Variants in DCBLD2 observed in about 807,000 individuals in gnomAD.
DCBLD2 encodes discoidin, CUB and LCCL domain-containing protein 2.
In DCBLD2, 54 loss-of-function variants were observed where a neutral mutation model predicts 86.8. That is an observed-to-expected ratio of 0.62 (90% confidence interval 0.50 to 0.78). DCBLD2 has a LOEUF of 0.78. Ranked by LOEUF, DCBLD2 falls within the 30% of genes least tolerant of loss-of-function variation. The pLI is 0.00. For synonymous variants in DCBLD2, 354 were observed against 341.3 expected, an observed-to-expected ratio of 1.04 and a Z score of -0.41; for missense variants, 908 against 954.2, an observed-to-expected ratio of 0.95 and a Z score of 0.64.
intron 1 of DCBLD2, among the ~76,000 whole-genome samples, chr3:98,900,011 A>C (rs1943819815): frequency 6.6e-6 from 1 of 152,206 alleles, no homozygotes; most frequent in Non-Finnish European, 1.5e-5. Flanking sequence ...CTAAATGCTA[A>C]GCATCTAAAT....
At chr3:98,859,442 G>C (rs1365030180) in intron 2 of DCBLD2, among the ~76,000 whole-genome samples, 1 of 152,212 alleles carries the variant, frequency 6.6e-6, no homozygotes, top group African/African-American at 2.4e-5. Flanking sequence ...GTGGGTCCCT[G>C]ACCCCCAAGT....
rs567126845 is a variant in DCBLD2, at chr3:98,896,596, T to C, written c.205+4526A>G. On this transcript the variant is annotated intron_variant, in intron 1 of 15. Coordinates refer to ENST00000326840, the MANE Select transcript of DCBLD2 (RefSeq NM_080927.4). ...ATTATGCAGGTATGTGAATATGTAATAGAAAGGAAAGTTAAAAATTATAAG... is the reference window on the plus strand; with the variant it reads ...ATTATGCAGGTATGTGAATATGTAACAGAAAGGAAAGTTAAAAATTATAAG... Among the ~76,000 whole-genome samples, 52 of 152,288 alleles carry C rather than the reference T, an allele frequency of 3.4e-4. No homozygotes were observed. In the South Asian group the frequency reaches 9.9e-3, roughly 29 times the overall value.
chr3:98,808,140 C>G lies in DCBLD2; in HGVS notation c.1611G>C (p.Leu537=), dbSNP rs202236000. Residue 537 remains leucine, a synonymous_variant, in exon 13 of 16, where the codon CTG becomes CTC. Coordinates refer to ENST00000326840, the MANE Select transcript of DCBLD2 (RefSeq NM_080927.4). ...GAATGAGAGTAGTGAGGACCATGAC[C>G]AGCACAGGGACAAGAACTGCAGCCA... ...VALAAVLVPV[L]VMVLTTLILI... 1 of 1,606,440 alleles carries G rather than the reference C, an allele frequency of 6.2e-7. No homozygotes were observed. The highest frequency in any genetic ancestry group is 1.3e-5 in the African/African-American group (1 of 74,582).
intron 3 of DCBLD2, among the ~76,000 whole-genome samples, chr3:98,833,645 G>A (rs894043576): frequency 7.2e-5 from 11 of 152,204 alleles, no homozygotes; most frequent in African/African-American, 2.7e-4. Flanking sequence ...CCCAGGTCAG[G>A]CAGCCCTGTC....
intron 2 of DCBLD2, among the ~76,000 whole-genome samples, chr3:98,870,745 G>GAAAGAA: frequency 1.3e-5 from 1 of 79,656 alleles, no homozygotes; most frequent in Admixed American, 1.2e-4. Flanking sequence ...GAAAAAGAAA[G>GAAAGAA]AAAGAAAGAA....
intron 13 of DCBLD2, among the ~76,000 whole-genome samples, chr3:98,803,178 G>A (rs1197983712): frequency 6.6e-6 from 1 of 152,172 alleles, no homozygotes; most frequent in Non-Finnish European, 1.5e-5. Context: ...TCCTATCCAT[G>A]AGCATGGAAT....
intron 3 of DCBLD2, among the ~76,000 whole-genome samples, chr3:98,843,402 A>G (rs1942655879): frequency 6.6e-6 from 1 of 152,352 alleles, no homozygotes; most frequent in African/African-American, 2.4e-5. Flanking sequence ...GTAGTACTGG[A>G]AACAAAACAG....
At chr3:98,852,533 C>T (rs940991681) in intron 2 of DCBLD2, among the ~76,000 whole-genome samples, 3 of 152,212 alleles carry the variant, frequency 2.0e-5, no homozygotes, top group Non-Finnish European at 4.4e-5. Context: ...AGGCGTGAGC[C>T]ACCGCACCCA....
intron 9 of DCBLD2, chr3:98,814,331 A>C (rs1330861985): frequency 1.3e-5 from 2 of 152,232 alleles, no homozygotes; most frequent in Non-Finnish European, 2.9e-5. Flanking sequence ...CAGGGACGAT[A>C]ACAAATCATT....
chr3:98,811,204 A>C lies in DCBLD2; in HGVS notation c.1566T>G (p.Asn522Lys). 1 of 1,605,920 alleles carries C rather than the reference A, an allele frequency of 6.2e-7. No individual in the cohort carries two copies. Reference sequence around the variant, plus strand: ...TCCATGTTTGCATACCTTTGGTTACATTTGGAGTTACGGTAGTATTTCTGA... The same window carrying C: ...TCCATGTTTGCATACCTTTGGTTACCTTTGGAGTTACGGTAGTATTTCTGA... ...PDIRNTTVTP[N>K]VTKDVALAAV... is the part of the protein sequence containing the mutation. Residue 522 changes from asparagine (N) to lysine (K), a missense_variant, in exon 12 of 16, where the codon AAT (asparagine) becomes AAG (lysine). Coordinates refer to ENST00000326840, the MANE Select transcript of DCBLD2 (RefSeq NM_080927.4).
intron 1 of DCBLD2, among the ~76,000 whole-genome samples, chr3:98,892,454 G>A (rs1246525527): frequency 1.3e-5 from 2 of 152,046 alleles, no homozygotes; most frequent in Non-Finnish European, 2.9e-5. Context: ...TGGTCCAAGG[G>A]TGGGTACTGA....
At chr3:98,825,639 GTATTTATATATATATA>G (rs1394665778) in intron 3 of DCBLD2, among the ~76,000 whole-genome samples, 106 of 59,434 alleles carry the variant, frequency 1.8e-3, no homozygotes, top group African/African-American at 4.4e-3. Context: ...ATGTATATGT[GTATTTATATATATATA>G]TATATATATA....
Position 98,811,487 on chromosome 3 carries a change from G to A in DCBLD2, c.1431C>T (p.Ala477=). 2 of 1,613,540 alleles carry A rather than the reference G, an allele frequency of 1.2e-6. No homozygotes were observed. Among genetic ancestry groups the A allele is most frequent in the Non-Finnish European group, 1.7e-6 (2 of 1,179,660 alleles). ...GCATACCTTTGGCTATTTTTGGAGG[G>A]GCTGTAGTGTTTTTGAGGTCATTGC... ...RNSNDLKNTT[A]PPKIAKGRAP... The change falls in exon 11 of 16, where the codon GCC becomes GCT. Residue 477 remains alanine, a synonymous_variant. Coordinates refer to ENST00000326840, the MANE Select transcript of DCBLD2 (RefSeq NM_080927.4).
chr3:98,807,136 A>G (rs542423731), intron 13 of DCBLD2, among the ~76,000 whole-genome samples: 1 of 152,236 alleles, frequency 6.6e-6, no homozygotes, highest in Non-Finnish European at 1.5e-5. Flanking sequence ...CCAGGCCCAG[A>G]CTGAACCTCT....
chr3:98,846,012 T>C (rs576738406), intron 3 of DCBLD2, among the ~76,000 whole-genome samples: 1 of 152,366 alleles, frequency 6.6e-6, no homozygotes, highest in South Asian at 2.1e-4. Context: ...AAGTAATCGT[T>C]TAATATCTTT....
intron 13 of DCBLD2, among the ~76,000 whole-genome samples, chr3:98,807,321 C>T: frequency 6.6e-6 from 1 of 152,088 alleles, no homozygotes; most frequent in African/African-American, 2.4e-5. Context: ...AAATCCTAAC[C>T]CCCGTTAGAA....
intron 2 of DCBLD2, among the ~76,000 whole-genome samples, chr3:98,870,524 T>C (rs763267024): frequency 7.9e-5 from 12 of 151,308 alleles, no homozygotes; most frequent in Admixed American, 1.3e-4. Context: ...TTCCAGCTGC[T>C]TGGGAGGCTA....
chr3:98,815,330 C>T (rs1229967823), intron 9 of DCBLD2: 2 of 152,126 alleles, frequency 1.3e-5, no homozygotes, highest in Non-Finnish European at 2.9e-5. Context: ...GTACTTAGAA[C>T]AGTATTGTCT....
chr3:98,846,937 A>C (rs1942736882), intron 3 of DCBLD2, among the ~76,000 whole-genome samples: 1 of 152,200 alleles, frequency 6.6e-6, no homozygotes, highest in South Asian at 2.1e-4. Flanking sequence ...ATAACAGAGA[A>C]AAGCAAAAAT....
Sources: gnomAD v4.1 joint callset for allele counts (sites outside exome capture counted in the v4.1 genomes callset) on GRCh38, gnomAD v4.1.1 for gene constraint, MANE v1.5 for transcripts, NCBI Gene and HGNC (gene_info 2026-07-23, HGNC 2026-07-21) for gene names.